Variants in OR10S1 observed in about 807,000 individuals in gnomAD.
OR10S1 encodes olfactory receptor family 10 subfamily S member 1, also known as olfactory receptor 10S1.
For synonymous variants in OR10S1, 167 were observed against 164.1 expected (o/e 1.02, Z -0.13); for missense variants, 415 against 407.9 (o/e 1.02, Z -0.15).
exon 1 of OR10S1, chr11:123,977,163 T>G (rs111780540): frequency 2.5e-6 from 4 of 1,614,040 alleles, no homozygotes; most frequent in African/African-American, 2.7e-5. Context: ...AGGCGGAAGG[T>G]GAGGGAGGTG....
chr11:123,977,185 G>A (rs1187002987), exon 1 of OR10S1: 33 of 1,614,210 alleles, frequency 2.0e-5, no homozygotes, highest in East Asian at 1.6e-4. Flanking sequence ...GGATTGCAGC[G>A]TGCGTGGCAC....
rs773926642 is a variant in OR10S1 at position 123,977,672 on chromosome 11, C to G, written c.-8G>C. 1.9e-6 allele frequency: 3 copies of G among 1,599,894 alleles called. No homozygotes were observed. Among genetic ancestry groups the G allele is most frequent in the Non-Finnish European group, 2.5e-6 (3 of 1,179,446 alleles). On this transcript the variant is annotated 5_prime_UTR_variant, in exon 1 of 1. Transcript: ENST00000641123. ...CTCCGTTGTCATGGTCATCTTCTCA[C>G]ACACAGAGCGGCTAGTCATCCCCTT...
At position 123,977,726 on chromosome 11, in the gene OR10S1, A is replaced by T. The variant is rs181255416; in HGVS notation, c.-62T>A. 507 of 1,568,708 alleles carry T rather than the reference A, an allele frequency of 3.2e-4. 5 individuals are homozygous for T. The East Asian group carries it at 8.9e-3, about 28-fold the overall frequency. ...AACAAAACTGACATTAATGGAATAA[A>T]TAGCTGTATCCCTTTCCTGAGATGT... is the stretch of plus-strand genomic sequence containing the variant. On this transcript the variant is annotated 5_prime_UTR_variant, in exon 1 of 1. An upstream open reading frame in the 5' UTR gains an earlier in-frame stop. Transcript: ENST00000641123.
rs535482570 is a variant in OR10S1, at chr11:123,976,965, G to A, written c.700C>T (p.Arg234Cys). The A allele has an allele frequency of 8.7e-6, 14 of 1,613,984 alleles. No homozygotes were observed. Among genetic ancestry groups the A allele is most frequent in the Middle Eastern group, 1.6e-4 (1 of 6,062 alleles). Residue 234 changes from arginine to cysteine, a missense_variant, in exon 1 of 1, where the codon CGC becomes TGC. Coordinates refer to ENST00000641123, the Ensembl canonical transcript of OR10S1. The stretch of plus-strand genomic sequence containing the variant: ...GCCCGCTGCCGGCCCTGGGCTGTGC[G>A]GATGCGCAACACAGCTGCCACGATG...
exon 1 of OR10S1, chr11:123,977,640 T>G (rs755261842): frequency 6.2e-7 from 1 of 1,604,722 alleles, no homozygotes; most frequent in African/African-American, 1.3e-5. Flanking sequence ...ACAGTCTGGT[T>G]GGGGTTCTCC....
chr11:123,977,438 CA>C lies in OR10S1; in HGVS notation c.226del (p.Cys76ValfsTer5). 6.2e-7 allele frequency: 1 copy of C among 1,614,150 alleles called. No homozygotes were observed. Among genetic ancestry groups the C allele is most frequent in the Non-Finnish European group, 8.5e-7 (1 of 1,180,018 alleles). On this transcript the variant is annotated frameshift_variant, in exon 1 of 1. Transcript: ENST00000641123. LOFTEE classifies it low-confidence loss of function (END_TRUNC). ...CTTGGGCACTGTCACTGTAGACAAA[CA>C]GGCATCCAGGAAGGAGAGGTGCCCC...
chr11:123,977,671 A>G (rs147657646), exon 1 of OR10S1: 1,067 of 1,599,994 alleles, frequency 6.7e-4, no homozygotes, highest in Non-Finnish European at 7.9e-4. Context: ...TCATCTTCTC[A>G]CACACAGAGC....
chr11:123,976,815 C>A, exon 1 of OR10S1: 2 of 1,614,126 alleles, frequency 1.2e-6, no homozygotes, highest in Non-Finnish European at 1.7e-6. Context: ...ATTGGAGTTA[C>A]GATTGTGTAG....
At chr11:123,977,449 G>C in exon 1 of OR10S1, 1 of 1,614,158 alleles carries the variant, frequency 6.2e-7, no homozygotes, top group Non-Finnish European at 8.5e-7. Context: ...AGGCATCCAG[G>C]AAGGAGAGGT....
exon 1 of OR10S1, chr11:123,977,034 C>T (rs1863726325): frequency 8.1e-6 from 13 of 1,614,052 alleles, no homozygotes; most frequent in African/African-American, 4.0e-5. Context: ...CCTGCAGCCA[C>T]GATGCCAATG....
exon 1 of OR10S1, chr11:123,977,577 G>T: frequency 6.2e-7 from 1 of 1,613,358 alleles, no homozygotes; most frequent in Non-Finnish European, 8.5e-7. Context: ...AGGAAGAAGA[G>T]GCTAGAATGT....
exon 1 of OR10S1, chr11:123,977,594 G>A: frequency 6.2e-7 from 1 of 1,611,822 alleles, no homozygotes; most frequent in Non-Finnish European, 8.5e-7. Flanking sequence ...ATGTTTAGCG[G>A]TGTACCTCAA....
rs780783196 is a variant in OR10S1, at chr11:123,976,996, G to A, written c.669C>T (p.Tyr223=). 5 of 1,614,112 alleles carry A rather than the reference G, an allele frequency of 3.1e-6. No individual in the cohort carries two copies. In the East Asian group the frequency reaches 1.1e-4, roughly 36 times the overall value. ...GCAACACAGCTGCCACGATGAAGAT[G>A]TAGGAAATAACGATGAGGATGAGGC... The change falls in exon 1 of 1, where the codon TAC becomes TAT. Residue 223 remains tyrosine, a synonymous_variant. Transcript: ENST00000641123.
exon 1 of OR10S1, chr11:123,977,038 G>A: frequency 6.2e-7 from 1 of 1,614,210 alleles, no homozygotes; most frequent in Non-Finnish European, 8.5e-7. Context: ...CAGCCACGAT[G>A]CCAATGCTGG....
At chr11:123,977,768 A>G in exon 1 of OR10S1, 2 of 1,335,792 alleles carry the variant, frequency 1.5e-6, no homozygotes, top group Non-Finnish European at 2.1e-6. Flanking sequence ...CCATCAAGCC[A>G]CACCACCTTG....
Position 123,977,156 on chromosome 11 carries a change from C to T in OR10S1, c.509G>A (p.Arg170His), listed in dbSNP as rs141270826. 1.3e-5 allele frequency: 21 copies of T among 1,614,016 alleles called. No homozygotes were observed. In the Admixed American group the frequency reaches 1.7e-4, roughly 13 times the overall value. The stretch of plus-strand genomic sequence containing the variant: ...GTGGCAAGGCCCACAGTAGAGCAGG[C>T]GGAAGGTGAGGGAGGTGTGGATTGC... The change falls in exon 1 of 1, where the codon CGC becomes CAC. Residue 170 changes from arginine to histidine, a missense_variant. Physicochemically the swap from Arg to His is conservative, Grantham distance 29 (BLOSUM62 0). Transcript: ENST00000641123.
chr11:123,977,124 A>G lies in OR10S1; in HGVS notation c.541T>C (p.Tyr181His), dbSNP rs138781398. The G allele has an allele frequency of 3.3e-3, 5,385 of 1,614,226 alleles. 11 individuals are homozygous for G. Among genetic ancestry groups the G allele is most frequent in the Non-Finnish European group, 4.2e-3 (4,981 of 1,180,030 alleles). The change falls in exon 1 of 1, where the codon TAC becomes CAC. Residue 181 changes from tyrosine (Y) to histidine (H), a missense_variant. By Grantham distance (83) the Tyr-to-His change is moderately conservative. Transcript: ENST00000641123. ...ACAGGGGGTATGTCGCAGAAGAAGT[A>G]GGCAATGTGGCAAGGCCCACAGTAG... is the stretch of plus-strand genomic sequence containing the variant.
At chr11:123,977,037 T>C (rs770902677) in exon 1 of OR10S1, 2 of 1,614,220 alleles carry the variant, frequency 1.2e-6, no homozygotes, top group South Asian at 2.2e-5. Flanking sequence ...GCAGCCACGA[T>C]GCCAATGCTG....
rs199683540 is a variant in OR10S1 at position 123,977,285 on chromosome 11, C to T, written c.380G>A (p.Arg127His). 248 of 1,614,002 alleles carry T rather than the reference C, an allele frequency of 1.5e-4. 1 individual carries two copies. Among genetic ancestry groups the T allele is most frequent in the Admixed American group, 6.7e-4 (40 of 60,000 alleles). The change falls in exon 1 of 1, where the codon CGC (arginine) becomes CAC (histidine). Residue 127 changes from arginine to histidine, a missense_variant. Physicochemically the swap from Arg to His is conservative, Grantham distance 29 (BLOSUM62 0). Transcript: ENST00000641123. ...CAGGGGTTGACAGATAGCCAGATAG[C>T]GGTCATAGGCCATGACTGTGTACAG...
Sources: allele counts gnomAD v4.1 joint callset, GRCh38; gene constraint gnomAD v4.1.1; transcripts MANE v1.5; gene names NCBI Gene and HGNC (gene_info 2026-07-23, HGNC 2026-07-21).